The following POLR3H variants were observed in gnomAD, a reference collection of about 807,000 sequenced individuals.
The protein encoded by POLR3H is RNA polymerase III subunit H, also known as DNA-directed RNA polymerase III subunit RPC8.
A neutral mutation model predicts 25.5 loss-of-function variants in POLR3H; 17 were observed. That is an observed-to-expected ratio of 0.67 (90% CI 0.46 to 1.00). The LOEUF (loss-of-function observed/expected upper bound fraction) is 1.00. Among genes scored for constraint, POLR3H ranks in the 50% least tolerant of loss-of-function variants. POLR3H has a pLI of 0.00. For missense variants in POLR3H, 274 were observed against 265.0 expected, an observed-to-expected ratio of 1.03 and a Z score of -0.24; for synonymous variants, 129 against 103.0, an observed-to-expected ratio of 1.25 and a Z score of -1.53.
Position 41,532,669 on chromosome 22 carries a change from T to C in POLR3H, c.285A>G (p.Glu95=), listed in dbSNP as rs1266522159. 2 of 1,614,076 alleles carry C rather than the reference T, an allele frequency of 1.2e-6. No homozygotes were observed. Among genetic ancestry groups the C allele is most frequent in the South Asian group, 2.2e-5 (2 of 91,078 alleles). The change falls in exon 3 of 6, where the codon GAA becomes GAG. Residue 95 remains glutamate (E), a synonymous_variant. Transcript: ENST00000355209. ...LIGKIKGCSP[E]GVHVSLGFFD... ...CAGGGCCACTGTTACCGTGCACTCC[T>C]TCTGGGCTGCAGCCTTTGATCTTCC...
At chr22:41,532,250 TG>T in intron 3 of POLR3H, 93 bp from the exon 4 acceptor site, 2 of 1,278,694 alleles carry the variant, frequency 1.6e-6, no homozygotes, top group Non-Finnish European at 2.3e-6. Flanking sequence ...AAGCCCTGCC[TG>T]GGGCTGCCCA....
intron 4 of POLR3H, 78 bp downstream of exon 4, chr22:41,532,016 C>T: frequency 1.5e-6 from 2 of 1,358,530 alleles, no homozygotes; most frequent in Non-Finnish European, 2.1e-6. Context: ...GCCCCAAAGG[C>T]CACCCTAAGG....
At chr22:41,535,317 G>A (rs1389327311) in intron 2 of POLR3H, among the ~76,000 whole-genome samples, 1 of 152,152 alleles carries the variant, frequency 6.6e-6, no homozygotes, top group Non-Finnish European at 1.5e-5. Context: ...AATATACAAA[G>A]CCACTAAATT....
intron 3 of POLR3H, 115 bp from the exon 4 acceptor site, chr22:41,532,272 G>A (rs919019595): frequency 4.8e-6 from 5 of 1,034,236 alleles, no homozygotes; most frequent in African/African-American, 3.2e-5. Flanking sequence ...CGAGGCGGAT[G>A]TCGCTGTGGA....
intron 2 of POLR3H, among the ~76,000 whole-genome samples, chr22:41,533,291 G>A (rs1343810972): frequency 6.6e-6 from 1 of 152,128 alleles, no homozygotes; most frequent in Non-Finnish European, 1.5e-5. Flanking sequence ...TGCCCACATC[G>A]CACACTCTGA....
In POLR3H at chr22:41,529,214, G is replaced by A. The variant is rs11554326; in HGVS notation, c.*69C>T. The A allele has an allele frequency of 1.0e-5, 14 of 1,378,078 alleles. No homozygotes were observed. Among genetic ancestry groups the A allele is most frequent in the Non-Finnish European group, 8.1e-6 (8 of 982,582 alleles). The allele number at this position is 1,378,078 out of a possible 1,614,324, so 85.4% of individuals were successfully genotyped here. Reference sequence around the variant, plus strand: ...TATCTCCTTAGCATCGGCCTCAGCTGCTGTTGTCTTCACAGCCGGCCATAC... The same window carrying A: ...TATCTCCTTAGCATCGGCCTCAGCTACTGTTGTCTTCACAGCCGGCCATAC... On this transcript the variant is annotated 3_prime_UTR_variant, in exon 6 of 6. Coordinates refer to ENST00000355209, the MANE Select transcript of POLR3H (RefSeq NM_001018050.4).
At position 41,525,993 on chromosome 22, in the gene POLR3H, T is replaced by C. The variant is rs1260997157; in HGVS notation, c.*3290A>G. ...CTGAGGCCTGAAGGGTGAGCGAACATTGACCTGTCCCAACTTTGGGCGGCC... is the reference window on the plus strand; with the variant it reads ...CTGAGGCCTGAAGGGTGAGCGAACACTGACCTGTCCCAACTTTGGGCGGCC... On this transcript the variant is annotated 3_prime_UTR_variant, in exon 6 of 6. Transcript: ENST00000355209. The C allele has an allele frequency of 5.0e-6, 2 of 397,806 alleles. No homozygotes were observed. Among genetic ancestry groups the C allele is most frequent in the African/African-American group, 2.0e-5 (1 of 49,456 alleles). The allele number at this position is 397,806 out of a possible 1,614,324, so 24.6% of individuals were successfully genotyped here. A position where few individuals can be genotyped will look rare whatever the true frequency, so the allele number is the denominator to read the frequency against.
At chr22:41,538,621 C>G (rs1178501412) in intron 2 of POLR3H, among the ~76,000 whole-genome samples, 1 of 152,160 alleles carries the variant, frequency 6.6e-6, no homozygotes. Flanking sequence ...CACTTGTCTC[C>G]TGGACAACCA....
rs1232405288 is a variant in POLR3H at position 41,528,511 on chromosome 22, G to T, written c.*772C>A. 1.2e-6 allele frequency: 2 copies of T among 1,612,516 alleles called. No homozygotes were observed. Among genetic ancestry groups the T allele is most frequent in the South Asian group, 2.2e-5 (2 of 91,014 alleles). On this transcript the variant is annotated 3_prime_UTR_variant, in exon 6 of 6. Coordinates refer to ENST00000355209, the MANE Select transcript of POLR3H (RefSeq NM_001018050.4). ...AGTGCATCATCAAGCACCCCAACGG[G>T]ACCCAGGAGACCATCCTCCTGAACC...
chr22:41,531,136 A>T (rs148823189), intron 4 of POLR3H, among the ~76,000 whole-genome samples: 1 of 152,198 alleles, frequency 6.6e-6, no homozygotes, highest in East Asian at 1.9e-4. Context: ...CCAGACGCAC[A>T]TGGATCTCAG....
At chr22:41,532,521 G>T (rs907412457) in intron 3 of POLR3H, 138 bp downstream of exon 3, 149 of 1,481,854 alleles carry the variant, frequency 1.0e-4, no homozygotes, top group Non-Finnish European at 1.4e-4. Flanking sequence ...TAAAAGGGAG[G>T]GTGGGCAAGC....
At chr22:41,540,500 T>G in intron 2 of POLR3H, 199 bp downstream of exon 2, 1 of 645,342 alleles carries the variant, frequency 1.5e-6, no homozygotes, top group East Asian at 2.9e-5. Context: ...CCTTTTAAAA[T>G]TTTTTCATAT....
intron 1 of POLR3H, among the ~76,000 whole-genome samples, chr22:41,542,032 C>T (rs2066937036): frequency 6.6e-6 from 1 of 152,088 alleles, no homozygotes; most frequent in Non-Finnish European, 1.5e-5. Flanking sequence ...CCCACCCTCC[C>T]CTCTGCCCAA....
At position 41,526,365 on chromosome 22, in the gene POLR3H, T is replaced by A. The variant is rs2066596192; in HGVS notation, c.*2918A>T. 1 of 1,613,630 alleles carries A rather than the reference T, an allele frequency of 6.2e-7. No individual in the cohort carries two copies. The highest frequency in any genetic ancestry group is 8.5e-7 in the Non-Finnish European group (1 of 1,180,034). On this transcript the variant is annotated 3_prime_UTR_variant, in exon 6 of 6. Coordinates refer to ENST00000355209, the MANE Select transcript of POLR3H (RefSeq NM_001018050.4). ...TCCAACAACCTGCTCATTGGTGCCA[T>A]CAACATTGAAAACGGCAAGGCCAAC...
In POLR3H at chr22:41,527,590, A is replaced by G; in HGVS notation, c.*1693T>C. The G allele has an allele frequency of 2.0e-6, 2 of 993,226 alleles. No individual in the cohort carries two copies. Among genetic ancestry groups the G allele is most frequent in the Non-Finnish European group, 2.9e-6 (2 of 692,692 alleles). The allele number at this position is 993,226 out of a possible 1,614,324, so 61.5% of individuals were successfully genotyped here. ...CTCACACAGTGCACATCCGACGCTC[A>G]GCTTCCCGGCTTCCCGCAGGCCCTG... On this transcript the variant is annotated 3_prime_UTR_variant, in exon 6 of 6. Transcript: ENST00000355209.
chr22:41,526,997 C>T lies in POLR3H; in HGVS notation c.*2286G>A. On this transcript the variant is annotated 3_prime_UTR_variant, in exon 6 of 6. Coordinates refer to ENST00000355209, the MANE Select transcript of POLR3H (RefSeq NM_001018050.4). ...GGCCCGGAGGCCGTCCCTGTCTCAC[C>T]CAACCTCCCTCCACACACACCTGCC... is the stretch of plus-strand genomic sequence containing the variant. The T allele has an allele frequency of 2.0e-6, 1 of 499,126 alleles. No individual in the cohort carries two copies. The highest frequency in any genetic ancestry group is 3.6e-6 in the Non-Finnish European group (1 of 279,158). The allele number at this position is 499,126 out of a possible 1,614,324, so 30.9% of individuals were successfully genotyped here. A position where few individuals can be genotyped will look rare whatever the true frequency, so the allele number is the denominator to read the frequency against.
intron 2 of POLR3H, among the ~76,000 whole-genome samples, chr22:41,538,991 A>G (rs113534590): frequency 9.1e-4 from 139 of 152,284 alleles, no homozygotes; most frequent in East Asian, 2.5e-3. Flanking sequence ...GGCTGGGGGC[A>G]GTGGCTCACG....
intron 2 of POLR3H, among the ~76,000 whole-genome samples, chr22:41,534,987 C>G (rs977043754): frequency 2.6e-5 from 4 of 152,034 alleles, no homozygotes; most frequent in Non-Finnish European, 4.4e-5. Context: ...CCTCTCCTGC[C>G]CTGCTCATAT....
chr22:41,530,261 C>T (rs1341117170), intron 5 of POLR3H, among the ~76,000 whole-genome samples: 2 of 152,132 alleles, frequency 1.3e-5, no homozygotes, highest in Non-Finnish European at 2.9e-5. Context: ...CCACAGGGCA[C>T]GCCACCATGC....
Sources: gnomAD v4.1 joint callset for allele counts (sites outside exome capture counted in the v4.1 genomes callset) on GRCh38, gnomAD v4.1.1 for gene constraint, MANE v1.5 for transcripts, NCBI Gene and HGNC (gene_info 2026-07-23, HGNC 2026-07-21) for gene names.